KCTD21: variants seen among roughly 807,000 people sequenced by gnomAD.
KCTD21 encodes the protein BTB/POZ domain-containing protein KCTD21.
KCTD21 carries 9 observed loss-of-function variants against 13.2 expected under a neutral mutation model. The observed-to-expected ratio is 0.68, with a 90% confidence interval of 0.41 to 1.19. KCTD21 has a LOEUF of 1.19. Ranked by LOEUF, KCTD21 falls within the 50% of genes most tolerant of loss-of-function variation. KCTD21 has a pLI of 0.01. For synonymous variants in KCTD21, 142 were observed against 137.4 expected, an observed-to-expected ratio of 1.03 and a Z score of -0.23; for missense variants, 303 against 336.5, an observed-to-expected ratio of 0.90 and a Z score of 0.78.
chr11:78,180,327 T>C (rs1381150028), intron 1 of KCTD21, among the ~76,000 whole-genome samples: 4 of 152,268 alleles, frequency 2.6e-5, no homozygotes, highest in Non-Finnish European at 4.4e-5. Flanking sequence ...CCAGAATATA[T>C]AAAGAACTCT....
Position 78,173,924 on chromosome 11 carries a change from C to T in KCTD21, c.631G>A (p.Val211Met), listed in dbSNP as rs1380920460. The change falls in exon 2 of 2, where the codon GTG becomes ATG. Residue 211 changes from valine to methionine, a missense_variant. Physicochemically the swap from Val to Met is conservative, Grantham distance 21. Coordinates refer to ENST00000340067, the MANE Select transcript of KCTD21 (RefSeq NM_001029859.3). ...TKQNLKRLWV[V>M]PANKQINSFQ... is the part of the protein sequence containing the mutation. Reference sequence around the variant, plus strand: ...CTGTTGATCTGCTTGTTGGCGGGCACCACCCAGAGCCTCTTGAGGTTCTGC... The same window carrying T: ...CTGTTGATCTGCTTGTTGGCGGGCATCACCCAGAGCCTCTTGAGGTTCTGC... 3 of 1,614,194 alleles carry T rather than the reference C, an allele frequency of 1.9e-6. No homozygotes were observed. Among genetic ancestry groups the T allele is most frequent in the Non-Finnish European group, 2.5e-6 (3 of 1,180,046 alleles).
At chr11:78,186,239 G>A (rs1381166894) in intron 1 of KCTD21, among the ~76,000 whole-genome samples, 1 of 151,282 alleles carries the variant, frequency 6.6e-6, no homozygotes, top group Non-Finnish European at 1.5e-5. Context: ...AGCTGGGCAT[G>A]GTAACACGTG....
intron 1 of KCTD21, among the ~76,000 whole-genome samples, chr11:78,186,391 A>AC (rs1862768927): frequency 7.0e-6 from 1 of 143,724 alleles, no homozygotes; most frequent in South Asian, 2.2e-4. Context: ...AAAAAAAAAA[A>AC]AAAAAAAAAA....
At chr11:78,181,608 G>A (rs1862622549) in intron 1 of KCTD21, among the ~76,000 whole-genome samples, 1 of 152,156 alleles carries the variant, frequency 6.6e-6, no homozygotes, top group South Asian at 2.1e-4. Context: ...GGTCAAATGT[G>A]TTTATAAAGA....
intron 1 of KCTD21, among the ~76,000 whole-genome samples, chr11:78,180,689 A>C (rs1350279116): frequency 1.3e-5 from 2 of 152,228 alleles, no homozygotes; most frequent in Non-Finnish European, 2.9e-5. Flanking sequence ...GACAATGCCA[A>C]TTGAAGGTGA....
At chr11:78,177,117 G>C (rs1212619053) in intron 1 of KCTD21, 1 of 152,320 alleles carries the variant, frequency 6.6e-6, no homozygotes, top group Admixed American at 6.5e-5. Context: ...GGGGTGGCGA[G>C]AACTTCTCAA....
chr11:78,187,392 T>C, intron 1 of KCTD21: 2 of 985,190 alleles, frequency 2.0e-6, no homozygotes, highest in Non-Finnish European at 2.4e-6. Flanking sequence ...AGAGAAAAGG[T>C]GCTTCCTAGA....
chr11:78,181,010 T>C (rs1292744536), intron 1 of KCTD21, among the ~76,000 whole-genome samples: 2 of 152,198 alleles, frequency 1.3e-5, no homozygotes, highest in Non-Finnish European at 2.9e-5. Context: ...CCTTCCACCA[T>C]TATTTTAAGT....
intron 1 of KCTD21, chr11:78,187,979 G>A: frequency 1.0e-6 from 1 of 985,396 alleles, no homozygotes; most frequent in Non-Finnish European, 1.2e-6. Flanking sequence ...GGCGTGGGAG[G>A]TCAATGAGAT....
chr11:78,187,007 T>A (rs1427772296), intron 1 of KCTD21: 1 of 985,348 alleles, frequency 1.0e-6, no homozygotes, highest in African/African-American at 1.7e-5. Flanking sequence ...CAAAACTTTT[T>A]AATTTTGAAA....
At chr11:78,182,304 CCCCCT>C (rs58727955) in intron 1 of KCTD21, among the ~76,000 whole-genome samples, 1,852 of 143,478 alleles carry the variant, frequency 0.013, 31 homozygotes, top group African/African-American at 0.046. Context: ...AGCACCCCCC[CCCCCT>C]CAAAATTAAT....
chr11:78,176,448 C>T (rs1017738561), intron 1 of KCTD21: 1 of 152,306 alleles, frequency 6.6e-6, no homozygotes, highest in Non-Finnish European at 1.5e-5. Flanking sequence ...TGGCAAGTCT[C>T]CTTCACCACA....
chr11:78,187,785 G>A (rs2137012008), intron 1 of KCTD21: 1 of 985,378 alleles, frequency 1.0e-6, no homozygotes, highest in Non-Finnish European at 1.2e-6. Context: ...TGCGAAGGTC[G>A]GGGCATCAAA....
At chr11:78,181,253 C>T (rs767711182) in intron 1 of KCTD21, among the ~76,000 whole-genome samples, 5 of 152,144 alleles carry the variant, frequency 3.3e-5, no homozygotes, top group Non-Finnish European at 7.3e-5. Context: ...TTCATAATTG[C>T]CCAAACTCAG....
Position 78,185,528 on chromosome 11 carries a change from G to C in KCTD21, c.-30+3045C>G, listed in dbSNP as rs554665967. On this transcript the variant is annotated intron_variant, in intron 1 of 1. Transcript: ENST00000340067. ...CCAACCAGGGCTAAGTGGTGGAGGA[G>C]TTAGAATCTAAGCCTGGGTGGGCAG... Among the ~76,000 whole-genome samples the C allele has an allele frequency of 4.6e-5, 7 of 152,144 alleles. No individual in the cohort carries two copies. The South Asian group carries it at 1.0e-3, about 23-fold the overall frequency.
intron 1 of KCTD21, among the ~76,000 whole-genome samples, chr11:78,177,342 G>A (rs777304112): frequency 2.6e-5 from 4 of 152,236 alleles, no homozygotes; most frequent in Non-Finnish European, 5.9e-5. Flanking sequence ...ATGAGTCCAT[G>A]TGAAATACGA....
At chr11:78,188,340 T>C (rs1036398563) in intron 1 of KCTD21, 2 of 981,500 alleles carry the variant, frequency 2.0e-6, no homozygotes, top group East Asian at 2.4e-4. Context: ...ACTATCACCA[T>C]CCGCCCTTGC....
rs532305114 is a variant in KCTD21, at chr11:78,184,329, C to CTATTTATTTATT, written c.-30+4232_-30+4243dup. On this transcript the variant is annotated intron_variant, in intron 1 of 1. Transcript: ENST00000340067. ...ACATATTTAAATAGGTGGAGAAGCTCTATTTATTTATTTATTTATTTATTT... is the reference window on the plus strand; with the variant it reads ...ACATATTTAAATAGGTGGAGAAGCTCTATTTATTTATTTATTTATTTATTTATTTATTTATTT... Among the ~76,000 whole-genome samples, 328 of 152,106 alleles carry CTATTTATTTATT rather than the reference C, an allele frequency of 2.2e-3. 1 individual carries two copies. Among genetic ancestry groups the CTATTTATTTATT allele is most frequent in the African/African-American group, 7.6e-3 (315 of 41,466 alleles).
chr11:78,174,137 T>C lies in KCTD21; in HGVS notation c.418A>G (p.Ser140Gly). Residue 140 changes from serine to glycine, a missense_variant, in exon 2 of 2, where the codon AGC becomes GGC. Transcript: ENST00000340067. The part of the protein sequence containing the change: ...APQIYSLSSS[S>G]MEVFNANIFS... The stretch of plus-strand genomic sequence containing the variant: ...ATGTTGGCGTTGAAGACCTCCATGC[T>C]GGAAGAGGAGAGGCTGTAGATCTGG... The C allele has an allele frequency of 1.2e-6, 2 of 1,614,108 alleles. No homozygotes were observed. Among genetic ancestry groups the C allele is most frequent in the East Asian group, 2.2e-5 (1 of 44,880 alleles).
Sources: gnomAD v4.1 joint callset for allele counts (sites outside exome capture counted in the v4.1 genomes callset) on GRCh38, gnomAD v4.1.1 for gene constraint, MANE v1.5 for transcripts, NCBI Gene and HGNC (gene_info 2026-07-23, HGNC 2026-07-21) for gene names.